The following RASAL2 variants were observed in gnomAD, a reference collection of about 807,000 sequenced individuals.
The protein encoded by RASAL2 is ras GTPase-activating protein nGAP.
Under a neutral mutation model 128.9 loss-of-function variants are expected in RASAL2, and 58 were observed. The observed-to-expected ratio is 0.45, with a 90% CI of 0.36 to 0.56. The LOEUF (loss-of-function observed/expected upper bound fraction) is 0.56. Ranked by LOEUF, RASAL2 falls within the 20% of genes least tolerant of loss-of-function variation. RASAL2 has a pLI of 0.00. For missense variants in RASAL2, 1,360 were observed against 1,601.6 expected, an observed-to-expected ratio of 0.85 and a Z score of 2.57; for synonymous variants, 561 against 580.8, an observed-to-expected ratio of 0.97 and a Z score of 0.49.
chr1:178,366,593 G>A lies in RASAL2; in HGVS notation c.458-23507G>A, dbSNP rs1252174. 3.2e-4 allele frequency among the ~76,000 whole-genome samples: 25 copies of A among 77,902 alleles called. 1 individual carries two copies. The highest frequency in any genetic ancestry group is 6.5e-3 in the Middle Eastern group (1 of 154). 51.1% of individuals were successfully genotyped at this position (77,902 alleles called of 152,430 possible). On this transcript the variant is annotated intron_variant, in intron 3 of 17. Coordinates refer to ENST00000367649, the MANE Select transcript of RASAL2 (RefSeq NM_170692.4). ...TACTTGGTACCTCCCACCCCCCCCCGCCAAAAAAAAACACAGATTATAGAA... is the reference window on the plus strand; with the variant it reads ...TACTTGGTACCTCCCACCCCCCCCCACCAAAAAAAAACACAGATTATAGAA...
intron 14 of RASAL2, 94 bp downstream of exon 14, chr1:178,458,638 C>A: frequency 6.8e-7 from 1 of 1,461,090 alleles, no homozygotes; most frequent in Non-Finnish European, 9.1e-7. Flanking sequence ...CTATTGTTAA[C>A]AAGATTTCCT....
At chr1:178,365,656 A>G (rs552079476) in intron 3 of RASAL2, among the ~76,000 whole-genome samples, 231 of 152,180 alleles carry the variant, frequency 1.5e-3, no homozygotes, top group African/African-American at 5.4e-3. Flanking sequence ...TGTTTTTAGC[A>G]GAGATGGGTT....
intron 5 of RASAL2, among the ~76,000 whole-genome samples, chr1:178,437,403 C>T (rs986069168): frequency 6.6e-6 from 1 of 152,048 alleles, no homozygotes; most frequent in East Asian, 1.9e-4. Context: ...CTTGCTATAC[C>T]GGGACATGTG....
chr1:178,215,336 A>G (rs1663390772), intron 1 of RASAL2, among the ~76,000 whole-genome samples: 1 of 152,236 alleles, frequency 6.6e-6, no homozygotes, highest in Non-Finnish European at 1.5e-5. Flanking sequence ...TTGACACCAC[A>G]AAACCTCCCA....
intron 3 of RASAL2, among the ~76,000 whole-genome samples, chr1:178,321,914 GA>G (rs1214133167): frequency 6.6e-6 from 1 of 151,688 alleles, no homozygotes; most frequent in Non-Finnish European, 1.5e-5. Flanking sequence ...CTTGAACCCA[GA>G]AGGTGGAGGT....
At chr1:178,114,711 A>C (rs1020787030) in intron 1 of RASAL2, among the ~76,000 whole-genome samples, 4 of 152,094 alleles carry the variant, frequency 2.6e-5, no homozygotes, top group African/African-American at 9.7e-5. Flanking sequence ...TTTAGTAGAG[A>C]CGGTGTTTCA....
In RASAL2 at chr1:178,094,405, C is replaced by T; in HGVS notation, c.-88C>T. 2.3e-6 allele frequency: 3 copies of T among 1,288,558 alleles called. No individual in the cohort carries two copies. Among genetic ancestry groups the T allele is most frequent in the Non-Finnish European group, 3.1e-6 (3 of 961,970 alleles). 79.8% of individuals were successfully genotyped at this position (1,288,558 alleles called of 1,614,324 possible). On this transcript the variant is annotated 5_prime_UTR_variant, in exon 1 of 18. Coordinates refer to ENST00000367649, the MANE Select transcript of RASAL2 (RefSeq NM_170692.4). ...GTCCCTGCCCTCGCTGCGCGCTCTC[C>T]TCCTCCCCTTACCGCAGGCAGGGCG...
rs74128858 is a variant in RASAL2, at chr1:178,127,006, C to T, written c.202+32312C>T. On this transcript the variant is annotated intron_variant, in intron 1 of 17. Coordinates refer to ENST00000367649, the MANE Select transcript of RASAL2 (RefSeq NM_170692.4). ...TAATACTGTCTTTCTTTCTGAAATA[C>T]TTAAGGTAGGATTGCTGTCTAATTC... 5.5e-3 allele frequency among the ~76,000 whole-genome samples: 832 copies of T among 152,268 alleles called. 10 individuals carry two copies. The highest frequency in any genetic ancestry group is 0.019 in the African/African-American group (779 of 41,560).
rs1341548972 is a variant in RASAL2 at position 178,465,967 on chromosome 1, C to T, written c.3435C>T (p.Ser1145=). The change falls in exon 16 of 18, where the codon AGC becomes AGT. Residue 1145 remains serine, a synonymous_variant. Transcript: ENST00000367649. ...TKLKERLRVS[S]RRLEEYERRL... ...TGAAGGAGCGCCTGAGAGTTTCCAG[C>T]CGGCGACTGGAGGAATATGAACGCC... 19 of 1,555,876 alleles carry T rather than the reference C, an allele frequency of 1.2e-5. No individual in the cohort carries two copies. Among genetic ancestry groups the T allele is most frequent in the Non-Finnish European group, 1.7e-5 (19 of 1,148,862 alleles).
intron 1 of RASAL2, among the ~76,000 whole-genome samples, chr1:178,276,177 T>C (rs1240248862): frequency 6.6e-6 from 1 of 152,240 alleles, no homozygotes; most frequent in Admixed American, 6.5e-5. Flanking sequence ...ATGTTCATTG[T>C]GTGTCAGGAC....
intron 2 of RASAL2, among the ~76,000 whole-genome samples, chr1:178,296,458 T>TA (rs1667511626): frequency 2.0e-5 from 3 of 152,028 alleles, no homozygotes; most frequent in Admixed American, 1.3e-4. Context: ...TTCCTGTGCT[T>TA]AAGTGATCCT....
chr1:178,146,162 T>A (rs2101869068), intron 1 of RASAL2, among the ~76,000 whole-genome samples: 1 of 152,340 alleles, frequency 6.6e-6, no homozygotes, highest in Middle Eastern at 3.4e-3. Flanking sequence ...TAAATTCCTG[T>A]TGGAAAAAAC....
chr1:178,419,751 G>A (rs1675020305), intron 4 of RASAL2, among the ~76,000 whole-genome samples: 3 of 152,184 alleles, frequency 2.0e-5, no homozygotes, highest in Admixed American at 1.3e-4. Context: ...CGAGGAGGAT[G>A]TTCAGGGAAC....
At chr1:178,432,848 T>C (rs1446757462) in intron 5 of RASAL2, among the ~76,000 whole-genome samples, 1 of 152,106 alleles carries the variant, frequency 6.6e-6, no homozygotes, top group Non-Finnish European at 1.5e-5. Context: ...AATGAACTGG[T>C]TTCTAGGTCT....
chr1:178,456,871 C>T lies in RASAL2; in HGVS notation c.2362C>T (p.Gln788Ter). Residue 788 changes from glutamine (Q) to a stop codon, truncating the protein, a stop_gained, in exon 13 of 18, where the codon CAG becomes TAG. Transcript: ENST00000367649. LOFTEE classifies it high-confidence loss of function. Reference sequence around the variant, plus strand: ...CAGTGGAAGCCTCTCCTCTGGGCTGCAGAAAATATTTGAAGACCCCACTGA... The same window carrying T: ...CAGTGGAAGCCTCTCCTCTGGGCTGTAGAAAATATTTGAAGACCCCACTGA... ...NVSGSLSSGLQKIFEDPTDSD... is the reference protein window; with the variant it reads ...NVSGSLSSGL 6.2e-7 allele frequency: 1 copy of T among 1,614,054 alleles called. No homozygotes were observed. Among genetic ancestry groups the T allele is most frequent in the South Asian group, 1.1e-5 (1 of 91,062 alleles).
chr1:178,390,188 C>A lies in RASAL2; in HGVS notation c.546C>A (p.Thr182=). 1 of 1,608,278 alleles carries A rather than the reference C, an allele frequency of 6.2e-7. No homozygotes were observed. The highest frequency in any genetic ancestry group is 1.1e-5 in the South Asian group (1 of 90,582). Residue 182 remains threonine (T), a synonymous_variant, in exon 4 of 18, where the codon ACC becomes ACA. Coordinates refer to ENST00000367649, the MANE Select transcript of RASAL2 (RefSeq NM_170692.4). ...EKPNSMDTAN[T]SPFKVPGFFS... ...CCAACTCCATGGACACTGCAAATAC[C>A]TCACCCTTCAAAGTACCAGTAAGTG...
intron 2 of RASAL2, among the ~76,000 whole-genome samples, chr1:178,291,922 C>G (rs989691917): frequency 6.6e-6 from 1 of 151,158 alleles, no homozygotes. Flanking sequence ...GTAACCCCAG[C>G]TACTCGGGAG....
At chr1:178,360,781 C>T (rs1671065907) in intron 3 of RASAL2, among the ~76,000 whole-genome samples, 1 of 152,220 alleles carries the variant, frequency 6.6e-6, no homozygotes, top group Non-Finnish European at 1.5e-5. Flanking sequence ...GAATCTGTTG[C>T]ATGCCTTTTC....
intron 2 of RASAL2, among the ~76,000 whole-genome samples, chr1:178,298,976 T>C (rs1414283676): frequency 6.6e-6 from 1 of 152,070 alleles, no homozygotes; most frequent in Non-Finnish European, 1.5e-5. Flanking sequence ...TCTACATTGA[T>C]AACCTGCTTT....
Sources: allele counts gnomAD v4.1 joint callset (sites outside exome capture counted in the v4.1 genomes callset), GRCh38; gene constraint gnomAD v4.1.1; transcripts MANE v1.5; gene names NCBI Gene and HGNC (gene_info 2026-07-23, HGNC 2026-07-21).